The following GRAP2 variants were observed in gnomAD, a reference collection of about 807,000 sequenced individuals.
GRAP2 encodes the protein GRB2 related adaptor protein 2.
GRAP2 carries 31 observed loss-of-function variants against 43.5 expected under a neutral mutation model. The observed-to-expected ratio is 0.71, with a 90% CI of 0.54 to 0.96. The LOEUF (loss-of-function observed/expected upper bound fraction) is 0.96, where lower values mean the gene tolerates loss of function less well. GRAP2 is among the 40% of genes least tolerant of loss of function. GRAP2 has a pLI of 0.00. For missense variants in GRAP2, 371 were observed against 424.4 expected (o/e 0.87, Z 1.11); for synonymous variants, 156 against 164.8 (o/e 0.95, Z 0.41).
At chr22:39,956,655 G>A (rs928754244) in intron 3 of GRAP2, among the ~76,000 whole-genome samples, 3 of 150,978 alleles carry the variant, frequency 2.0e-5, no homozygotes, top group Non-Finnish European at 1.5e-5. Flanking sequence ...TTTTAGTAGA[G>A]ATGGGGTTTC....
chr22:39,955,336 G>A (rs1046253904), intron 2 of GRAP2, among the ~76,000 whole-genome samples: 2 of 151,710 alleles, frequency 1.3e-5, no homozygotes, highest in Non-Finnish European at 2.9e-5. Context: ...CCAGCCTGGC[G>A]ACAGAGCAAG....
In GRAP2 at chr22:39,965,977, C is replaced by T. The variant is rs2067168656; in HGVS notation, c.291-13C>T. On this transcript the variant is annotated splice_polypyrimidine_tract_variant and intron_variant, in intron 4 of 7. Coordinates refer to ENST00000344138, the MANE Select transcript of GRAP2 (RefSeq NM_004810.4). ...CCGTGTAACATACAATTTTGTTTTG[C>T]CTTGATCTCCAGGCATGAGGATGAC... 1.2e-6 allele frequency: 2 copies of T among 1,612,388 alleles called. No individual in the cohort carries two copies. The highest frequency in any genetic ancestry group is 1.7e-6 in the Non-Finnish European group (2 of 1,178,526).
intron 1 of GRAP2, among the ~76,000 whole-genome samples, chr22:39,932,441 T>C (rs1024264141): frequency 6.7e-6 from 1 of 150,246 alleles, no homozygotes; most frequent in Non-Finnish European, 1.5e-5. Flanking sequence ...CTGGGCACAG[T>C]GGCTCATGCC....
At position 39,971,010 on chromosome 22, in the gene GRAP2, T is replaced by C. The variant is rs772583525; in HGVS notation, c.919T>C (p.Ser307Pro). The change falls in exon 8 of 8, where the codon TCC (serine) becomes CCC (proline). Residue 307 changes from serine to proline, a missense_variant. By Grantham distance (74) the Ser-to-Pro change is moderately conservative (BLOSUM62 -1). Coordinates refer to ENST00000344138, the MANE Select transcript of GRAP2 (RefSeq NM_004810.4). The stretch of plus-strand genomic sequence containing the variant: ...GGAGGTCCTGGATAGCTCCAACCCA[T>C]CCTGGTGGACCGGCCGCCTGCACAA... Reference protein sequence around the residue: ...VVEVLDSSNPSWWTGRLHNKL... With the variant: ...VVEVLDSSNPPWWTGRLHNKL... 4 of 1,613,696 alleles carry C rather than the reference T, an allele frequency of 2.5e-6. No homozygotes were observed. The highest frequency in any genetic ancestry group is 3.4e-6 in the Non-Finnish European group (4 of 1,179,844).
At chr22:39,898,662 A>G (rs762274510), upstream of GRAP2, among the ~76,000 whole-genome samples, 25 of 152,060 alleles carry the variant, frequency 1.6e-4, no homozygotes, top group African/African-American at 4.6e-4. Flanking sequence ...AAAATATACA[A>G]ATTAGCTGGG....
chr22:39,906,608 A>T (rs2066525242), intron 1 of GRAP2, among the ~76,000 whole-genome samples: 2 of 152,198 alleles, frequency 1.3e-5, no homozygotes, highest in Non-Finnish European at 2.9e-5. Flanking sequence ...AGTCATTGCC[A>T]AATTGGTTCT....
chr22:39,915,862 T>G (rs1225047891), intron 1 of GRAP2, among the ~76,000 whole-genome samples: 1 of 152,072 alleles, frequency 6.6e-6, no homozygotes, highest in African/African-American at 2.4e-5. Context: ...AATTAGAAAA[T>G]GGGGAGGGGC....
Position 39,968,529 on chromosome 22 carries a change from C to T in GRAP2, c.690+257C>T, listed in dbSNP as rs953750830. 7.4e-5 allele frequency: 38 copies of T among 512,698 alleles called. No homozygotes were observed. In the East Asian group the frequency reaches 1.2e-3, roughly 16 times the overall value. 31.8% of individuals were successfully genotyped at this position (512,698 alleles called of 1,614,324 possible). A position where few individuals can be genotyped will look rare whatever the true frequency, so the allele number is the denominator to read the frequency against. ...TAAACTCACACACACACACACTTCC[C>T]CTGAGGACCCAGTAAACAATTGCTT... is the stretch of plus-strand genomic sequence containing the variant. On this transcript the variant is annotated intron_variant, in intron 6 of 7. Coordinates refer to ENST00000344138, the MANE Select transcript of GRAP2 (RefSeq NM_004810.4).
chr22:39,965,905 A>G (rs182871357), intron 4 of GRAP2, 85 bp from the exon 5 acceptor site: 1 of 1,109,390 alleles, frequency 9.0e-7, no homozygotes, highest in Admixed American at 1.7e-5. Context: ...CTCAAAGAGA[A>G]CTCCACCATC....
intron 1 of GRAP2, among the ~76,000 whole-genome samples, chr22:39,920,433 C>T (rs1204998674): frequency 6.6e-6 from 1 of 152,168 alleles, no homozygotes; most frequent in Non-Finnish European, 1.5e-5. Flanking sequence ...GACTCATTCC[C>T]ACCCTTCTCA....
intron 4 of GRAP2, among the ~76,000 whole-genome samples, chr22:39,961,999 C>A (rs1427594987): frequency 6.6e-6 from 1 of 152,238 alleles, no homozygotes; most frequent in African/African-American, 2.4e-5. Flanking sequence ...TGCTTAAACT[C>A]TTTTCTTCAG....
rs893663722 is a variant in GRAP2, at chr22:39,968,267, C to T, written c.685C>T (p.His229Tyr). 2 of 1,613,410 alleles carry T rather than the reference C, an allele frequency of 1.2e-6. No individual in the cohort carries two copies. The highest frequency in any genetic ancestry group is 1.7e-6 in the Non-Finnish European group (2 of 1,179,412). ...QQRYLQHHHF[H>Y]QERRGGSLDI... ...GCGATATCTGCAGCACCACCATTTC[C>T]ACCAGGTATCTGGAAAGAAGGCAGT... Residue 229 changes from histidine to tyrosine, a missense_variant, in exon 6 of 8, where the codon CAC becomes TAC. Transcript: ENST00000344138.
At chr22:39,932,548 CA>C (rs137982) in intron 1 of GRAP2, among the ~76,000 whole-genome samples, 12,369 of 43,446 alleles carry the variant, frequency 0.28, 449 homozygotes, top group African/African-American at 0.4. Flanking sequence ...CCTGTCTCTA[CA>C]AAAAAAAAAA....
intron 1 of GRAP2, among the ~76,000 whole-genome samples, chr22:39,910,696 C>T (rs2066555840): frequency 6.6e-6 from 1 of 151,190 alleles, no homozygotes; most frequent in Non-Finnish European, 1.5e-5. Flanking sequence ...CATGAGCCAC[C>T]ATGCCCAGCC....
intron 6 of GRAP2, chr22:39,968,498 C>T (rs902105827): frequency 3.2e-5 from 18 of 565,868 alleles, no homozygotes; most frequent in Middle Eastern, 4.5e-4. Flanking sequence ...CACACACACA[C>T]ACACTTAAAC....
At chr22:39,939,577 A>AAG (rs1555955728) in intron 1 of GRAP2, among the ~76,000 whole-genome samples, 1 of 149,234 alleles carries the variant, frequency 6.7e-6, no homozygotes, top group Non-Finnish European at 1.5e-5. Context: ...AAAAAAAAAA[A>AAG]AAAAAGAAAT....
At position 39,922,644 on chromosome 22, in the gene GRAP2, G is replaced by T. The variant is rs758197138; in HGVS notation, c.-15+21314G>T. The stretch of plus-strand genomic sequence containing the variant: ...AAGCAATGAGGAGGGGAGAATGGAG[G>T]TATTTGAGCCTAGAGTCAGGAAGGA... On this transcript the variant is annotated intron_variant, in intron 1 of 7. Transcript: ENST00000344138. 2.0e-5 allele frequency among the ~76,000 whole-genome samples: 3 copies of T among 152,174 alleles called. No homozygotes were observed. In the East Asian group the frequency reaches 5.8e-4, roughly 29 times the overall value.
At chr22:39,910,754 A>C (rs931878714) in intron 1 of GRAP2, among the ~76,000 whole-genome samples, 1 of 152,028 alleles carries the variant, frequency 6.6e-6, no homozygotes, top group African/African-American at 2.4e-5. Flanking sequence ...AAAAAAAAAA[A>C]AACCCTAGGA....
chr22:39,925,819 C>T (rs930252777), intron 1 of GRAP2, among the ~76,000 whole-genome samples: 4 of 152,234 alleles, frequency 2.6e-5, no homozygotes, highest in African/African-American at 9.6e-5. Flanking sequence ...TTCATCTCTG[C>T]CTTGCTTCTT....
Sources: gnomAD v4.1 joint callset for allele counts (sites outside exome capture counted in the v4.1 genomes callset) on GRCh38, gnomAD v4.1.1 for gene constraint, MANE v1.5 for transcripts, NCBI Gene and HGNC (gene_info 2026-07-23, HGNC 2026-07-21) for gene names.